The following PRDM15 variants were observed in gnomAD, a reference collection of about 807,000 sequenced individuals.
PRDM15 encodes PR domain zinc finger protein 15.
A neutral mutation model predicts 128.6 loss-of-function variants in PRDM15; 64 were observed. That is an observed-to-expected ratio of 0.50 (90% CI 0.41 to 0.61). The LOEUF (loss-of-function observed/expected upper bound fraction) is 0.61. Ranked by LOEUF, PRDM15 falls within the 20% of genes least tolerant of loss-of-function variation. The pLI is 0.00. For synonymous variants in PRDM15, 615 were observed against 621.8 expected (o/e 0.99, Z 0.16); for missense variants, 1,242 against 1,569.1 (o/e 0.79, Z 3.52).
At chr21:41,805,310 C>T (rs997229859) in intron 21 of PRDM15, among the ~76,000 whole-genome samples, 5 of 152,148 alleles carry the variant, frequency 3.3e-5, no homozygotes, top group East Asian at 1.9e-4. Context: ...GACAGCCGAA[C>T]GTGATAAAGG....
chr21:41,858,112 C>T (rs751883346), intron 3 of PRDM15, among the ~76,000 whole-genome samples: 3 of 152,238 alleles, frequency 2.0e-5, no homozygotes, highest in Non-Finnish European at 2.9e-5. Context: ...CCGAGAAAGA[C>T]GCAAGGGCCA....
intron 1 of PRDM15, among the ~76,000 whole-genome samples, chr21:41,865,823 T>TA (rs139789550): frequency 7.5e-4 from 114 of 152,292 alleles, no homozygotes; most frequent in African/African-American, 2.7e-3. Context: ...CAGCTCACTA[T>TA]AGCCTCAAAC....
intron 5 of PRDM15, among the ~76,000 whole-genome samples, chr21:41,852,292 C>A (rs1050175939): frequency 1.3e-5 from 2 of 152,268 alleles, no homozygotes; most frequent in Non-Finnish European, 2.9e-5. Context: ...CAAACCCCGG[C>A]GTGGCTGCAG....
chr21:41,854,698 G>C lies in PRDM15; in HGVS notation c.406C>G (p.His136Asp), dbSNP rs1309578478. 1.9e-6 allele frequency: 3 copies of C among 1,613,424 alleles called. No homozygotes were observed. Among genetic ancestry groups the C allele is most frequent in the African/African-American group, 1.3e-5 (1 of 74,948 alleles). Residue 136 changes from histidine (H) to aspartate (D), a missense_variant, in exon 5 of 24, where the codon CAC becomes GAC. His to Asp is a moderately conservative substitution (Grantham distance 81). Transcript: ENST00000398548. This position sits in a 1 kb window ranked among gnomAD's most constrained non-coding sequence, Gnocchi z 4.6. ...AEHQNLTAYQ[H>D]GSDVYFTTSR... ...GTGGTGAAGTACACGTCGCTGCCGTGCTGGTAGGCCGTCAGGTTCTGGTGC... is the reference window on the plus strand; with the variant it reads ...GTGGTGAAGTACACGTCGCTGCCGTCCTGGTAGGCCGTCAGGTTCTGGTGC...
intron 21 of PRDM15, among the ~76,000 whole-genome samples, chr21:41,806,662 CCA>C (rs2061678678): frequency 6.1e-5 from 1 of 16,324 alleles, no homozygotes; most frequent in Non-Finnish European, 1.2e-4. Context: ...ATCACCACCA[CCA>C]CCATCACCAT....
At chr21:41,808,744 T>C (rs1262398460) in intron 21 of PRDM15, among the ~76,000 whole-genome samples, 2 of 152,210 alleles carry the variant, frequency 1.3e-5, no homozygotes, top group Admixed American at 1.3e-4. Flanking sequence ...GTGCACAACG[T>C]ATACTGCTCT....
chr21:41,852,734 T>A (rs531023273), intron 5 of PRDM15, among the ~76,000 whole-genome samples: 20 of 151,938 alleles, frequency 1.3e-4, no homozygotes, highest in African/African-American at 4.6e-4. Flanking sequence ...TCACCAACCC[T>A]CCCCAGCAGC....
Position 41,821,795 on chromosome 21 carries a change from G to A in PRDM15, c.1896+108C>T. 2 of 1,376,066 alleles carry A rather than the reference G, an allele frequency of 1.5e-6. No individual in the cohort carries two copies. The highest frequency in any genetic ancestry group is 2.0e-6 in the Non-Finnish European group (2 of 989,126). 85.2% of individuals were successfully genotyped at this position (1,376,066 alleles called of 1,614,324 possible). On this transcript the variant is annotated intron_variant, in intron 15 of 23. Transcript: ENST00000398548. This position sits in a 1 kb window ranked among gnomAD's most constrained non-coding sequence, Gnocchi z 5.4. ...CTGGCCGGAGCCTTTGGGGAGGGAG[G>A]GCTGCTTCCGAGATGCATGAAGGTG...
intron 3 of PRDM15, 98 bp from the exon 4 acceptor site, chr21:41,857,427 G>T (rs780462019): frequency 3.1e-6 from 4 of 1,287,656 alleles, no homozygotes; most frequent in Non-Finnish European, 4.3e-6. Context: ...GACCGCCAGG[G>T]TTCTTCGGAA....
At position 41,828,352 on chromosome 21, in the gene PRDM15, A is replaced by C. The variant is rs779958034; in HGVS notation, c.1367-19T>G. 1.9e-6 allele frequency: 3 copies of C among 1,613,104 alleles called. No individual in the cohort carries two copies. Among genetic ancestry groups the C allele is most frequent in the Non-Finnish European group, 2.5e-6 (3 of 1,179,252 alleles). ...TTGTCATCTGTCCAGAGAGCAAACA[A>C]ACACACAACGATTTTGAGGTAAATA... On this transcript the variant is annotated intron_variant, in intron 11 of 23. Coordinates refer to ENST00000398548, the MANE Select transcript of PRDM15 (RefSeq NM_001040424.3). This position sits in a 1 kb window ranked among gnomAD's most constrained non-coding sequence, Gnocchi z 5.7.
In PRDM15 at chr21:41,821,145, C is replaced by T. The variant is rs2062247209; in HGVS notation, c.1982G>A (p.Arg661Gln). The T allele has an allele frequency of 3.1e-6, 5 of 1,614,206 alleles. No homozygotes were observed. The highest frequency in any genetic ancestry group is 4.2e-6 in the Non-Finnish European group (5 of 1,180,032). The change falls in exon 16 of 24, where the codon CGG becomes CAG. Residue 661 changes from arginine (R) to glutamine (Q), a missense_variant. Transcript: ENST00000398548. The surrounding 1 kb of genome is among the most constrained non-coding windows in gnomAD (Gnocchi z 5.4). ...EKGYGCSICN[R>Q]RFALKATYHA... ...GTAGGTGGCCTTCAGTGCAAAGCGC[C>T]GGTTGCAGATGCTGCAGCCATAGCC...
rs1032595754 is a variant in PRDM15 at position 41,828,890 on chromosome 21, C to T, written c.1367-557G>A. Among the ~76,000 whole-genome samples, 2 of 152,000 alleles carry T rather than the reference C, an allele frequency of 1.3e-5. No homozygotes were observed. Among genetic ancestry groups the T allele is most frequent in the African/African-American group, 4.8e-5 (2 of 41,336 alleles). The stretch of plus-strand genomic sequence containing the variant: ...ACCCAAATCCTCCTCAGCACACACA[C>T]AATCACACACCACACAAATACAAAC... On this transcript the variant is annotated intron_variant, in intron 11 of 23. Coordinates refer to ENST00000398548, the MANE Select transcript of PRDM15 (RefSeq NM_001040424.3). The surrounding 1 kb of genome is among the most constrained non-coding windows in gnomAD (Gnocchi z 5.7).
At chr21:41,865,293 A>G (rs562814979) in intron 1 of PRDM15, among the ~76,000 whole-genome samples, 17 of 152,182 alleles carry the variant, frequency 1.1e-4, no homozygotes, top group Admixed American at 9.8e-4. Flanking sequence ...ATGCTTTCTA[A>G]AAGCGCTCTG....
chr21:41,809,287 C>T (rs1304880896), intron 21 of PRDM15, among the ~76,000 whole-genome samples: 1 of 146,932 alleles, frequency 6.8e-6, no homozygotes, highest in Non-Finnish European at 1.5e-5. Context: ...GGCTGGAGTG[C>T]AGTGGCGCAA....
intron 11 of PRDM15, among the ~76,000 whole-genome samples, chr21:41,831,269 G>T (rs1325312539): frequency 6.6e-6 from 1 of 152,236 alleles, no homozygotes; most frequent in Non-Finnish European, 1.5e-5. Flanking sequence ...CCTGTCTAGG[G>T]TTTCCCTGCC....
rs531765461 is a variant in PRDM15, at chr21:41,832,461, G to A, written c.1366+2976C>T. Among the ~76,000 whole-genome samples the A allele has an allele frequency of 6.6e-6, 1 of 152,134 alleles. No homozygotes were observed. Among genetic ancestry groups the A allele is most frequent in the Admixed American group, 6.5e-5 (1 of 15,288 alleles). ...ACAGGCCACACCTTACAGCACTGTGGCATCAGATCACCACAGGCCACACCT... is the reference window on the plus strand; with the variant it reads ...ACAGGCCACACCTTACAGCACTGTGACATCAGATCACCACAGGCCACACCT... On this transcript the variant is annotated intron_variant, in intron 11 of 23. Transcript: ENST00000398548. The surrounding 1 kb of genome is among the most constrained non-coding windows in gnomAD (Gnocchi z 4.2).
intron 18 of PRDM15, 66 bp from the exon 19 acceptor site, chr21:41,815,902 G>C: frequency 6.3e-7 from 1 of 1,590,712 alleles, no homozygotes; most frequent in South Asian, 1.1e-5. Context: ...GCCCATGCCC[G>C]AGACCCTGGG....
rs779669462 is a variant in PRDM15, at chr21:41,878,718, G to T, written c.-10+552C>A. 3.0e-5 allele frequency: 48 copies of T among 1,573,900 alleles called. No homozygotes were observed. In the African/African-American group the frequency reaches 6.0e-4, roughly 20 times the overall value. ...ACCAGGACTCAGCTTCTCTAAACGC[G>T]GGGTTGGGGGTCCAGGGACCCCCCC... On this transcript the variant is annotated intron_variant, in intron 1 of 23. Coordinates refer to ENST00000398548, the MANE Select transcript of PRDM15 (RefSeq NM_001040424.3).
At chr21:41,820,521 A>G (rs2062219176) in intron 16 of PRDM15, among the ~76,000 whole-genome samples, 1 of 152,186 alleles carries the variant, frequency 6.6e-6, no homozygotes, top group Non-Finnish European at 1.5e-5. Context: ...GAACGGCCCT[A>G]TGAGGACACA....
Sources: allele counts gnomAD v4.1 joint callset (sites outside exome capture counted in the v4.1 genomes callset), GRCh38; gene constraint gnomAD v4.1.1; non-coding constraint Gnocchi (gnomAD v3.1); transcripts MANE v1.5; gene names NCBI Gene and HGNC (gene_info 2026-07-23, HGNC 2026-07-21).